The following CDH16 variants were observed in gnomAD, a reference collection of about 807,000 sequenced individuals.
CDH16 encodes cadherin 16.
In CDH16, 79 loss-of-function variants were observed where a neutral mutation model predicts 87.6. That is an observed-to-expected ratio of 0.90 (90% CI 0.75 to 1.09). The LOEUF is 1.09. CDH16 is among the 50% of genes least tolerant of loss of function. The pLI is 0.00. For missense variants in CDH16, 1,124 were observed against 1,071.7 expected (o/e 1.05, Z -0.68); for synonymous variants, 457 against 439.5 (o/e 1.04, Z -0.50).
chr16:66,916,398 T>TG lies in CDH16; in HGVS notation c.160dup (p.Gln54ProfsTer13). 4.3e-6 allele frequency: 7 copies of TG among 1,611,592 alleles called. No homozygotes were observed. The highest frequency in any genetic ancestry group is 5.9e-6 in the Non-Finnish European group (7 of 1,178,296). ...GCCTGAGTCCCCTGACAGCACGATC[T>TG]GGCCTTCAGCCCCCTCACGGGGCAG... On this transcript the variant is annotated frameshift_variant, in exon 4 of 18. Coordinates refer to ENST00000299752, the MANE Select transcript of CDH16 (RefSeq NM_004062.4). LOFTEE classifies it high-confidence loss of function. The surrounding 1 kb of genome is among the most constrained non-coding windows in gnomAD (Gnocchi z 4.1).
chr16:66,918,393 C>T lies in CDH16; in HGVS notation c.-13-315G>A, dbSNP rs115215692. Among the ~76,000 whole-genome samples, 507 of 152,366 alleles carry T rather than the reference C, an allele frequency of 3.3e-3. 2 individuals are homozygous for T. Among genetic ancestry groups the T allele is most frequent in the African/African-American group, 0.011 (467 of 41,588 alleles). On this transcript the variant is annotated intron_variant, in intron 1 of 17. Transcript: ENST00000299752. ...CCCAAAGTGGTAATTTTCTAGCAAT[C>T]CCCCAAATCACAAAAGTTTGAAGCT...
intron 2 of CDH16, 123 bp from the exon 3 acceptor site, chr16:66,917,848 C>G: frequency 9.9e-7 from 1 of 1,010,814 alleles, no homozygotes; most frequent in Non-Finnish European, 1.5e-6. Context: ...CATCCACCCG[C>G]GCTCTGGTCT....
intron 9 of CDH16, 55 bp from the exon 10 acceptor site, chr16:66,912,946 C>A (rs969122081): frequency 7.3e-6 from 11 of 1,502,686 alleles, no homozygotes; most frequent in South Asian, 2.3e-5. Flanking sequence ...GAGACCTTAC[C>A]CCACCCACTC....
intron 17 of CDH16, among the ~76,000 whole-genome samples, chr16:66,908,813 C>G (rs1418618268): frequency 6.6e-6 from 1 of 152,224 alleles, no homozygotes; most frequent in East Asian, 1.9e-4. Flanking sequence ...GTGCTAGAAC[C>G]AGCAAGGAAA....
Position 66,915,299 on chromosome 16 carries a change from C to T in CDH16, c.504G>A (p.Leu168=). The part of the protein sequence containing the change: ...TANSDLRFHI[L]SQAPAQPSPD... ...GGGAAGGCTGGGCTGGAGCCTGGCTCAGGATGTGGAATCGAAGATCCGAGT... is the reference window on the plus strand; with the variant it reads ...GGGAAGGCTGGGCTGGAGCCTGGCTTAGGATGTGGAATCGAAGATCCGAGT... The change falls in exon 6 of 18, where the codon CTG becomes CTA. Residue 168 remains leucine, a synonymous_variant. Transcript: ENST00000299752. 1.2e-6 allele frequency: 2 copies of T among 1,614,016 alleles called. No individual in the cohort carries two copies. The highest frequency in any genetic ancestry group is 1.7e-6 in the Non-Finnish European group (2 of 1,180,022).
At chr16:66,915,178 T>A (rs762118744) in intron 6 of CDH16, 42 bp downstream of exon 6, 1 of 1,545,332 alleles carries the variant, frequency 6.5e-7, no homozygotes, top group East Asian at 2.3e-5. Flanking sequence ...TTCTCCAGCT[T>A]TCTCTGACCC....
At chr16:66,918,638 CCT>C (rs1962796466) in intron 1 of CDH16, among the ~76,000 whole-genome samples, 164 bp downstream of exon 1, 1 of 152,214 alleles carries the variant, frequency 6.6e-6, no homozygotes, top group Non-Finnish European at 1.5e-5. Context: ...ATTTTCCAGC[CCT>C]TGTCATGGAG....
Position 66,911,306 on chromosome 16 carries a change from T to A in CDH16, c.1800A>T (p.Leu600=). 1 of 1,613,382 alleles carries A rather than the reference T, an allele frequency of 6.2e-7. No homozygotes were observed. The highest frequency in any genetic ancestry group is 8.5e-7 in the Non-Finnish European group (1 of 1,179,692). Residue 600 remains leucine (L), a synonymous_variant, in exon 14 of 18, where the codon CTA becomes CTT. Coordinates refer to ENST00000299752, the MANE Select transcript of CDH16 (RefSeq NM_004062.4). ...AGAGCCAGCCCTCTGAGTCATTGAC[T>A]AGGGAGAACCTGCCGCCCAAAGAAG... The part of the protein sequence containing the change: ...DPISRTLRFS[L]VNDSEGWLCI...
Position 66,916,702 on chromosome 16 carries a change from C to T in CDH16, c.130-273G>A, listed in dbSNP as rs753703046. ...GTTCTTTAATCTAAAGCTCTGCTCT[C>T]CACTAGGATTAAAATCTGTTAGTCA... On this transcript the variant is annotated intron_variant, in intron 3 of 17. Transcript: ENST00000299752. The surrounding 1 kb of genome is among the most constrained non-coding windows in gnomAD (Gnocchi z 4.1). Among the ~76,000 whole-genome samples, 25 of 152,154 alleles carry T rather than the reference C, an allele frequency of 1.6e-4. No homozygotes were observed. The highest frequency in any genetic ancestry group is 3.4e-4 in the Non-Finnish European group (23 of 68,040).
At chr16:66,913,429 A>T (rs1962524833) in intron 8 of CDH16, 62 bp downstream of exon 8, 1 of 1,607,972 alleles carries the variant, frequency 6.2e-7, no homozygotes, top group Non-Finnish European at 8.5e-7. Context: ...ACACCCCCAA[A>T]AGCCAACTGG....
chr16:66,914,246 G>C lies in CDH16; in HGVS notation c.750C>G (p.Leu250=). Residue 250 remains leucine (L), a synonymous_variant, in exon 7 of 18, where the codon CTC becomes CTG. Coordinates refer to ENST00000299752, the MANE Select transcript of CDH16 (RefSeq NM_004062.4). The stretch of plus-strand genomic sequence containing the variant: ...CCATGTGGTGCGGGTATAGGACTTT[G>C]AGATTCTCTGCCAGGTGGATAGGCT... The part of the protein sequence containing the change: ...SLEPIHLAEN[L]KVLYPHHMAQ... 6.2e-7 allele frequency: 1 copy of C among 1,614,176 alleles called. No individual in the cohort carries two copies. Among genetic ancestry groups the C allele is most frequent in the Non-Finnish European group, 8.5e-7 (1 of 1,180,002 alleles).
chr16:66,916,535 A>C lies in CDH16; in HGVS notation c.130-106T>G, dbSNP rs963292068. The C allele has an allele frequency of 7.7e-7, 1 of 1,296,456 alleles. No individual in the cohort carries two copies. The highest frequency in any genetic ancestry group is 2.5e-5 in the East Asian group (1 of 40,076). The allele number at this position is 1,296,456 out of a possible 1,614,324, so 80.3% of individuals were successfully genotyped here. A position where few individuals can be genotyped will look rare whatever the true frequency, so the allele number is the denominator to read the frequency against. On this transcript the variant is annotated intron_variant, in intron 3 of 17. Transcript: ENST00000299752. The surrounding 1 kb of genome is among the most constrained non-coding windows in gnomAD (Gnocchi z 4.1). ...CATGTGGGGAAACTGAGTCTCAGAGACATCTGGCTCCTGTCAGAGGTCACA... is the reference window on the plus strand; with the variant it reads ...CATGTGGGGAAACTGAGTCTCAGAGCCATCTGGCTCCTGTCAGAGGTCACA...
chr16:66,916,135 A>C lies in CDH16; in HGVS notation c.354T>G (p.Asp118Glu). The C allele has an allele frequency of 1.2e-6, 2 of 1,614,190 alleles. No homozygotes were observed. Among genetic ancestry groups the C allele is most frequent in the Non-Finnish European group, 1.7e-6 (2 of 1,180,030 alleles). ...GPQPVLVHVK[D>E]ENDQVPHFSQ... is the part of the protein sequence containing the mutation. Reference sequence around the variant, plus strand: ...AGAAATGGGGCACCTGGTCATTCTCATCCTTCACGTGCACAAGCACAGGCT... The same window carrying C: ...AGAAATGGGGCACCTGGTCATTCTCCTCCTTCACGTGCACAAGCACAGGCT... The change falls in exon 5 of 18, where the codon GAT (aspartate) becomes GAG (glutamate). Residue 118 changes from aspartate (D) to glutamate (E), a missense_variant. By Grantham distance (45) the Asp-to-Glu change is conservative. Transcript: ENST00000299752. This position sits in a 1 kb window ranked among gnomAD's most constrained non-coding sequence, Gnocchi z 4.1.
chr16:66,915,177 T>C (rs1462596341), intron 6 of CDH16, 43 bp downstream of exon 6: 40 of 1,543,654 alleles, frequency 2.6e-5, no homozygotes, highest in Non-Finnish European at 3.4e-5. Context: ...CTTCTCCAGC[T>C]TTCTCTGACC....
chr16:66,915,148 C>A, intron 6 of CDH16, 72 bp downstream of exon 6: 1 of 1,432,392 alleles, frequency 7.0e-7, no homozygotes, highest in East Asian at 2.3e-5. Flanking sequence ...CCATGCTTGT[C>A]TTATGGTTCA....
In CDH16 at chr16:66,914,329, G is replaced by A. The variant is rs746674590; in HGVS notation, c.667C>T (p.His223Tyr). The A allele has an allele frequency of 2.1e-5, 34 of 1,614,068 alleles. No homozygotes were observed. Among genetic ancestry groups the A allele is most frequent in the Non-Finnish European group, 2.9e-5 (34 of 1,180,020 alleles). ...VKDMGDQASG[H>Y]QATATVEVSI... ...ACTTCCACGGTGGCAGTGGCCTGGT[G>A]GCCTGAGGCCTGGTCACCCATGTCC... Residue 223 changes from histidine (H) to tyrosine (Y), a missense_variant, in exon 7 of 18, where the codon CAC (histidine) becomes TAC (tyrosine). Physicochemically the swap from His to Tyr is moderately conservative, Grantham distance 83 (BLOSUM62 2). Coordinates refer to ENST00000299752, the MANE Select transcript of CDH16 (RefSeq NM_004062.4).
chr16:66,912,603 G>A, intron 10 of CDH16, 23 bp from the exon 11 acceptor site: 1 of 1,614,134 alleles, frequency 6.2e-7, no homozygotes, highest in Non-Finnish European at 8.5e-7. Context: ...TGGACGTGTT[G>A]GTGAGGTCAG....
rs1447415667 is a variant in CDH16, at chr16:66,917,675, G to T, written c.96C>A (p.Asn32Lys). 1.2e-6 allele frequency: 2 copies of T among 1,613,512 alleles called. No homozygotes were observed. The highest frequency in any genetic ancestry group is 1.3e-5 in the African/African-American group (1 of 74,934). ...GGTATAAAGGGAAATTTCCACCATA[G>T]TTTTCTGGAACTTCCACAGACAGCT... is the stretch of plus-strand genomic sequence containing the variant. ...PAELSVEVPE[N>K]YGGNFPLYLT... The change falls in exon 3 of 18, where the codon AAC becomes AAA. Residue 32 changes from asparagine (N) to lysine (K), a missense_variant. Physicochemically the swap from Asn to Lys is moderately conservative, Grantham distance 94. Coordinates refer to ENST00000299752, the MANE Select transcript of CDH16 (RefSeq NM_004062.4).
At position 66,915,212 on chromosome 16, in the gene CDH16, G is replaced by T; in HGVS notation, c.583+8C>A. 1 of 1,600,698 alleles carries T rather than the reference G, an allele frequency of 6.2e-7. No homozygotes were observed. The highest frequency in any genetic ancestry group is 8.5e-7 in the Non-Finnish European group (1 of 1,174,590). On this transcript the variant is annotated splice_region_variant and intron_variant, in intron 6 of 17. Transcript: ENST00000299752. ...CCTCCCTCCCCAGCACACCCCGCTC[G>T]GGCTTACCCTTGGGGCTGAGGGCCA...
Sources: allele counts gnomAD v4.1 joint callset (sites outside exome capture counted in the v4.1 genomes callset), GRCh38; gene constraint gnomAD v4.1.1; non-coding constraint Gnocchi (gnomAD v3.1); transcripts MANE v1.5; gene names NCBI Gene and HGNC (gene_info 2026-07-23, HGNC 2026-07-21).